Variants in SMYD3 observed in about 807,000 individuals in gnomAD.
SMYD3 encodes histone-lysine N-methyltransferase SMYD3.
SMYD3 carries 36 observed loss-of-function variants against 57.7 expected under a neutral mutation model. The observed-to-expected ratio is 0.62, with a 90% CI of 0.48 to 0.82. SMYD3 has a LOEUF of 0.82. SMYD3 is among the 40% of genes least tolerant of loss of function. The pLI is 0.00. For synonymous variants in SMYD3, 211 were observed against 195.0 expected (o/e 1.08, Z -0.68); for missense variants, 515 against 538.8 (o/e 0.96, Z 0.44).
intron 10 of SMYD3, among the ~76,000 whole-genome samples, chr1:245,834,085 C>T (rs971720364): frequency 2.0e-5 from 3 of 152,194 alleles, no homozygotes; most frequent in African/African-American, 7.2e-5. Context: ...ACTTAAGGCC[C>T]TTTCTTCACC....
At chr1:246,292,640 T>A (rs934034899) in intron 5 of SMYD3, among the ~76,000 whole-genome samples, 2 of 152,218 alleles carry the variant, frequency 1.3e-5, no homozygotes, top group Non-Finnish European at 2.9e-5. Context: ...ATAAATTTTG[T>A]AGGGATATGC....
At chr1:246,133,620 T>C (rs949203972) in intron 5 of SMYD3, among the ~76,000 whole-genome samples, 5 of 152,086 alleles carry the variant, frequency 3.3e-5, no homozygotes, top group Admixed American at 6.6e-5. Flanking sequence ...TCATCACGAT[T>C]GGCTGATACT....
intron 11 of SMYD3, among the ~76,000 whole-genome samples, chr1:245,758,423 T>A: frequency 6.6e-6 from 1 of 152,178 alleles, no homozygotes. Context: ...CACCCTCTTT[T>A]TCTTTTCTTT....
chr1:245,996,989 C>T (rs1442579587), intron 5 of SMYD3, among the ~76,000 whole-genome samples: 1 of 152,238 alleles, frequency 6.6e-6, no homozygotes, highest in Non-Finnish European at 1.5e-5. Flanking sequence ...GAGGCGACGT[C>T]GCTGGTGCGG....
At chr1:246,157,692 C>T (rs780072400) in intron 5 of SMYD3, among the ~76,000 whole-genome samples, 2 of 152,134 alleles carry the variant, frequency 1.3e-5, no homozygotes, top group Non-Finnish European at 2.9e-5. Context: ...TATTCTGCTA[C>T]AATCTGTTGT....
intron 11 of SMYD3, among the ~76,000 whole-genome samples, chr1:245,758,109 T>TTCAGTTATTCTCAGATAATAACTTAC (rs2045686784): frequency 8.5e-5 from 13 of 152,204 alleles, no homozygotes; most frequent in Admixed American, 7.9e-4. Flanking sequence ...GAATAACTTA[T>TTCAGTTATTCTCAGATAATAACTTAC]TCAGTTATTC....
chr1:246,398,756 A>G (rs1157711240), intron 1 of SMYD3, among the ~76,000 whole-genome samples: 1 of 152,152 alleles, frequency 6.6e-6, no homozygotes, highest in Non-Finnish European at 1.5e-5. Flanking sequence ...ACTGAGAATG[A>G]GGTATGCACA....
At chr1:245,804,701 G>T (rs567488161) in intron 10 of SMYD3, among the ~76,000 whole-genome samples, 2 of 152,236 alleles carry the variant, frequency 1.3e-5, no homozygotes, top group African/African-American at 4.8e-5. Flanking sequence ...ACTAACTTAG[G>T]CCCCTTTTTT....
intron 5 of SMYD3, among the ~76,000 whole-genome samples, chr1:246,219,586 T>C (rs1342614312): frequency 6.6e-6 from 1 of 152,186 alleles, no homozygotes; most frequent in East Asian, 1.9e-4. Flanking sequence ...GTTGTCACAC[T>C]GACCCTTTGC....
At chr1:246,222,021 T>C (rs1454510039) in intron 5 of SMYD3, among the ~76,000 whole-genome samples, 1 of 152,168 alleles carries the variant, frequency 6.6e-6, no homozygotes, top group Non-Finnish European at 1.5e-5. Flanking sequence ...TGTGATGTTT[T>C]GGCTAGCATC....
intron 5 of SMYD3, among the ~76,000 whole-genome samples, chr1:246,128,243 T>C (rs1456277735): frequency 2.0e-5 from 3 of 152,206 alleles, no homozygotes; most frequent in African/African-American, 4.8e-5. Flanking sequence ...CCCATCTCTA[T>C]TACGATGTTC....
chr1:246,340,140 C>A (rs1233488318), intron 2 of SMYD3, among the ~76,000 whole-genome samples: 1 of 151,470 alleles, frequency 6.6e-6, no homozygotes, highest in African/African-American at 2.4e-5. Context: ...TATCATTGAA[C>A]TATTGTTCTA....
At chr1:246,475,561 G>A (rs569573487) in intron 1 of SMYD3, among the ~76,000 whole-genome samples, 5 of 151,870 alleles carry the variant, frequency 3.3e-5, no homozygotes, top group African/African-American at 9.6e-5. Context: ...CAAGAGGATC[G>A]CTTGAACCAG....
At chr1:246,161,940 G>A (rs1553302932) in intron 5 of SMYD3, among the ~76,000 whole-genome samples, 1 of 152,110 alleles carries the variant, frequency 6.6e-6, no homozygotes, top group Admixed American at 6.6e-5. Context: ...TTGCAAGAGG[G>A]TAAAAAAAAT....
At chr1:246,200,798 T>A (rs1444980000) in intron 5 of SMYD3, among the ~76,000 whole-genome samples, 1 of 152,230 alleles carries the variant, frequency 6.6e-6, no homozygotes, top group African/African-American at 2.4e-5. Context: ...ATCAACCCCA[T>A]CTTTCTAGAG....
intron 1 of SMYD3, among the ~76,000 whole-genome samples, chr1:246,448,187 A>G (rs2067575938): frequency 6.6e-6 from 1 of 152,222 alleles, no homozygotes; most frequent in Non-Finnish European, 1.5e-5. Context: ...ATTGCACTCC[A>G]GCTAGGGAAA....
chr1:246,292,468 T>TA (rs1162219305), intron 5 of SMYD3, among the ~76,000 whole-genome samples: 1 of 152,362 alleles, frequency 6.6e-6, no homozygotes, highest in East Asian at 1.9e-4. Context: ...ATCTTAGACT[T>TA]ACTATCCAAT....
chr1:246,094,917 C>T (rs1311787693), intron 5 of SMYD3, among the ~76,000 whole-genome samples: 14 of 152,108 alleles, frequency 9.2e-5, no homozygotes, highest in African/African-American at 2.9e-4. Flanking sequence ...CCCTCCATGG[C>T]GGACTTTCCT....
intron 5 of SMYD3, among the ~76,000 whole-genome samples, chr1:246,282,344 A>T (rs1301950171): frequency 2.2e-5 from 3 of 138,304 alleles, no homozygotes; most frequent in Non-Finnish European, 4.7e-5. Flanking sequence ...AAAAAAAGCA[A>T]AAAAATTAGC....
Sources: allele counts gnomAD v4.1 joint callset (sites outside exome capture counted in the v4.1 genomes callset), GRCh38; gene constraint gnomAD v4.1.1; transcripts MANE v1.5; gene names NCBI Gene and HGNC (gene_info 2026-07-23, HGNC 2026-07-21).